Variants in KIF1A observed in about 807,000 individuals in gnomAD.
The protein encoded by KIF1A is kinesin-like protein KIF1A.
In KIF1A, 46 loss-of-function variants were observed where a neutral mutation model predicts 227.3. The observed-to-expected ratio is 0.20, with a 90% CI of 0.16 to 0.26. KIF1A has a LOEUF of 0.26. KIF1A is among the 10% of genes least tolerant of loss of function. KIF1A has a pLI of 1.00. For missense variants in KIF1A, 1,683 were observed against 2,485.9 expected, an observed-to-expected ratio of 0.68 and a Z score of 6.87; for synonymous variants, 1,022 against 1,012.8, an observed-to-expected ratio of 1.01 and a Z score of -0.17.
chr2:240,782,599 T>C lies in KIF1A; in HGVS notation c.873A>G (p.Gly291=), dbSNP rs770972213. Residue 291 remains glycine, a synonymous_variant, in exon 10 of 49, where the codon GGA becomes GGG. Coordinates refer to ENST00000498729, the MANE Select transcript of KIF1A (RefSeq NM_001244008.2). ...GAAGGAAGCCGCTTACCTTGTTGGGTCCGGAGTCCTGAAAAGGAAAAGACA... is the reference window on the plus strand; with the variant it reads ...GAAGGAAGCCGCTTACCTTGTTGGGCCCGGAGTCCTGAAAAGGAAAAGACA... ...VISALAEMDS[G]PNKNKKKKKT... 9.0e-6 allele frequency: 14 copies of C among 1,552,400 alleles called. No homozygotes were observed. The highest frequency in any genetic ancestry group is 1.2e-5 in the Non-Finnish European group (14 of 1,147,832).
Position 240,745,858 on chromosome 2 carries a change from T to G in KIF1A, c.3254A>C (p.Asp1085Ala), listed in dbSNP as rs550429072. 1 of 1,612,200 alleles carries G rather than the reference T, an allele frequency of 6.2e-7. No individual in the cohort carries two copies. The highest frequency in any genetic ancestry group is 1.3e-5 in the African/African-American group (1 of 74,988). ...GTCCAGGGCAGCATCCAGGGGCCCA[T>G]CCAGGGCGGCTTTCTCAGAGCTGTC... Reference protein sequence around the residue: ...LLDSSEKAALDGPLDAALDHL... With the variant: ...LLDSSEKAALAGPLDAALDHL... Residue 1085 changes from aspartate (D) to alanine (A), a missense_variant, in exon 31 of 49, where the codon GAT becomes GCT. Transcript: ENST00000498729.
rs533081029 is a variant in KIF1A, at chr2:240,769,805, G to A, written c.1342-99C>T. The A allele has an allele frequency of 3.1e-5, 30 of 952,948 alleles. No individual in the cohort carries two copies. The South Asian group carries it at 4.0e-4, about 13-fold the overall frequency. 59.0% of individuals were successfully genotyped at this position (952,948 alleles called of 1,614,324 possible). On this transcript the variant is annotated intron_variant, in intron 15 of 48. Transcript: ENST00000498729. ...CAGGAGAAGGAGCTGCAAAGCACAA[G>A]CGCCATATTCCTGGGCCCGACAAGG... is the stretch of plus-strand genomic sequence containing the variant.
chr2:240,802,739 C>T (rs1157685371), intron 1 of KIF1A, among the ~76,000 whole-genome samples: 1 of 152,156 alleles, frequency 6.6e-6, no homozygotes, highest in Non-Finnish European at 1.5e-5. Flanking sequence ...TTAAGCAATC[C>T]TCCTGCCTCA....
At chr2:240,734,475 G>C (rs546168136) in intron 38 of KIF1A, among the ~76,000 whole-genome samples, 1 of 152,164 alleles carries the variant, frequency 6.6e-6, no homozygotes, top group Non-Finnish European at 1.5e-5. Context: ...AATCAGGAGT[G>C]GGGGAAGAAG....
At chr2:240,771,270 G>C in intron 14 of KIF1A, 166 bp from the exon 15 acceptor site, 1 of 822,300 alleles carries the variant, frequency 1.2e-6, no homozygotes, top group Non-Finnish European at 2.0e-6. Context: ...GGGGCCCAGA[G>C]AAGGCAAGAA....
At position 240,765,613 on chromosome 2, in the gene KIF1A, C is replaced by T. The variant is rs569632542; in HGVS notation, c.1768+97G>A. 9.7e-4 allele frequency: 956 copies of T among 987,506 alleles called. 4 individuals carry two copies. The highest frequency in any genetic ancestry group is 1.4e-3 in the South Asian group (104 of 72,328). 61.2% of individuals were successfully genotyped at this position (987,506 alleles called of 1,614,324 possible). On this transcript the variant is annotated intron_variant, in intron 20 of 48. Transcript: ENST00000498729. ...CAGCGGCCCTTAAGAGCTGCCATCC[C>T]GCACAGTGCACAGGAGGCGGTGGCT...
intron 48 of KIF1A, 127 bp from the exon 49 acceptor site, chr2:240,717,533 C>T: frequency 1.2e-6 from 1 of 807,946 alleles, no homozygotes; most frequent in Non-Finnish European, 2.0e-6. Flanking sequence ...CTGGTTCCCT[C>T]ACCACCTGGG....
intron 13 of KIF1A, among the ~76,000 whole-genome samples, 195 bp from the exon 14 acceptor site, chr2:240,772,791 T>C (rs568366629): frequency 6.6e-6 from 1 of 152,154 alleles, no homozygotes; most frequent in African/African-American, 2.4e-5. Flanking sequence ...AGCCTGCCTA[T>C]GGGGCTTCCA....
In KIF1A at chr2:240,792,535, G is replaced by A. The variant is rs1275761704; in HGVS notation, c.107-3223C>T. ...CAGAGACAGCGGGGGGAGGGTTGGG[G>A]TGAGGAGTGGGGGGAGCTGGAAGAA... is the stretch of plus-strand genomic sequence containing the variant. On this transcript the variant is annotated intron_variant, in intron 2 of 48. Coordinates refer to ENST00000498729, the MANE Select transcript of KIF1A (RefSeq NM_001244008.2). This position sits in a 1 kb window ranked among gnomAD's most constrained non-coding sequence, Gnocchi z 4.5. Among the ~76,000 whole-genome samples, 1 of 152,040 alleles carries A rather than the reference G, an allele frequency of 6.6e-6. No homozygotes were observed. The highest frequency in any genetic ancestry group is 2.4e-5 in the African/African-American group (1 of 41,402).
In KIF1A at chr2:240,723,416, C is replaced by T; in HGVS notation, c.4461G>A (p.Gln1487=). The T allele has an allele frequency of 6.5e-7, 1 of 1,547,324 alleles. No homozygotes were observed. Among genetic ancestry groups the T allele is most frequent in the South Asian group, 1.2e-5 (1 of 83,772 alleles). The change falls in exon 42 of 49, where the codon CAG becomes CAA. Residue 1487 remains glutamine, a synonymous_variant. Coordinates refer to ENST00000498729, the MANE Select transcript of KIF1A (RefSeq NM_001244008.2). ...QWELEKLSLL[Q]EVEKTRHYLL... ...TCATCCTCTGAGGCTGCCTCACCTC[C>T]TGCAGGAGGCTCAGCTTCTCCAGCT...
intron 28 of KIF1A, among the ~76,000 whole-genome samples, chr2:240,749,356 C>T (rs2048960252): frequency 6.6e-6 from 1 of 152,108 alleles, no homozygotes; most frequent in Admixed American, 6.5e-5. Flanking sequence ...ATGGCCATCT[C>T]AGCCTGCTCC....
At chr2:240,774,064 G>GGT (rs2052397377) in intron 12 of KIF1A, 119 bp downstream of exon 12, 2 of 615,958 alleles carry the variant, frequency 3.2e-6, no homozygotes, top group Non-Finnish European at 5.8e-6. Flanking sequence ...CAGAGTCCAG[G>GGT]GTATACCCCT....
chr2:240,809,701 C>T (rs770419057), intron 1 of KIF1A, among the ~76,000 whole-genome samples: 2 of 144,596 alleles, frequency 1.4e-5, no homozygotes, highest in African/African-American at 2.7e-5. Context: ...CAGAGTCTCA[C>T]TCTGTCGCCC....
intron 9 of KIF1A, 123 bp downstream of exon 9, chr2:240,782,921 G>A: frequency 8.3e-6 from 7 of 839,368 alleles, no homozygotes; most frequent in Non-Finnish European, 1.0e-5. Flanking sequence ...GCCATCTCCG[G>A]GCTCTCCCTT....
chr2:240,787,192 C>T, intron 5 of KIF1A, 59 bp downstream of exon 5: 1 of 1,379,756 alleles, frequency 7.2e-7, no homozygotes. Flanking sequence ...AAAAGCACTG[C>T]CAGCCACACC....
intron 28 of KIF1A, among the ~76,000 whole-genome samples, chr2:240,747,982 C>A (rs1192368427): frequency 1.3e-5 from 2 of 152,244 alleles, no homozygotes; most frequent in Non-Finnish European, 2.9e-5. Context: ...ACTTCTGACA[C>A]CACCAGTGCA....
Position 240,739,932 on chromosome 2 carries a change from AC to A in KIF1A, c.3901+125del. The A allele has an allele frequency of 1.4e-6, 1 of 698,692 alleles. No homozygotes were observed. The highest frequency in any genetic ancestry group is 2.5e-6 in the Non-Finnish European group (1 of 399,484). The allele number at this position is 698,692 out of a possible 1,614,324, so 43.3% of individuals were successfully genotyped here. ...AAGTGAGTCACAGAGAGATTATGTG[AC>A]CCGGCCAGGGTCACGCAGCAACAGA... On this transcript the variant is annotated intron_variant, in intron 37 of 48. Coordinates refer to ENST00000498729, the MANE Select transcript of KIF1A (RefSeq NM_001244008.2). The surrounding 1 kb of genome is among the most constrained non-coding windows in gnomAD (Gnocchi z 5.6).
chr2:240,773,274 C>A lies in KIF1A; in HGVS notation c.1038-18G>T. 1 of 1,613,562 alleles carries A rather than the reference C, an allele frequency of 6.2e-7. No individual in the cohort carries two copies. The highest frequency in any genetic ancestry group is 8.5e-7 in the Non-Finnish European group (1 of 1,179,706). ...CAGCATACCTGGGTGGCAGAGGGGG[C>A]TGTGGGCTGTGCTCGGGACAGGTCC... is the stretch of plus-strand genomic sequence containing the variant. On this transcript the variant is annotated intron_variant, in intron 12 of 48. Coordinates refer to ENST00000498729, the MANE Select transcript of KIF1A (RefSeq NM_001244008.2).
At chr2:240,719,966 C>G in intron 45 of KIF1A, 40 bp from the exon 46 acceptor site, 1 of 1,547,506 alleles carries the variant, frequency 6.5e-7, no homozygotes, top group East Asian at 2.4e-5. Context: ...GCAGGCCTCC[C>G]TGGGCCTGGG....
Sources: allele counts gnomAD v4.1 joint callset (sites outside exome capture counted in the v4.1 genomes callset), GRCh38; gene constraint gnomAD v4.1.1; non-coding constraint Gnocchi (gnomAD v3.1); transcripts MANE v1.5; gene names NCBI Gene and HGNC (gene_info 2026-07-23, HGNC 2026-07-21).